PTPRD: variants seen among roughly 807,000 people sequenced by gnomAD.
The protein encoded by PTPRD is receptor-type tyrosine-protein phosphatase delta.
A neutral mutation model predicts 214.5 loss-of-function variants in PTPRD; 34 were observed. That is an observed-to-expected ratio of 0.16 (90% CI 0.12 to 0.21). The LOEUF is 0.21. PTPRD is among the 10% of genes least tolerant of loss of function. The pLI, the probability that PTPRD is intolerant of heterozygous loss-of-function variation, is 1.00. For synonymous variants in PTPRD, 1,128 were observed against 845.7 expected, an observed-to-expected ratio of 1.33 and a Z score of -5.79; for missense variants, 2,545 against 2,398.7, an observed-to-expected ratio of 1.06 and a Z score of -1.27.
chr9:8,436,508 A>G, intron 35 of PTPRD, 84 bp downstream of exon 35: 5 of 1,030,628 alleles, frequency 4.9e-6, no homozygotes, highest in South Asian at 1.4e-5. Context: ...AAAAGCACTG[A>G]TGAAGTTAAT....
intron 11 of PTPRD, among the ~76,000 whole-genome samples, chr9:8,735,233 TC>T (rs1219306234): frequency 6.6e-6 from 1 of 151,406 alleles, no homozygotes; most frequent in African/African-American, 2.4e-5. Context: ...AAACGCTGCT[TC>T]CCAGGTTCAA....
intron 5 of PTPRD, among the ~76,000 whole-genome samples, chr9:9,840,060 CAG>C (rs2057904776): frequency 6.6e-6 from 1 of 151,890 alleles, no homozygotes; most frequent in South Asian, 2.1e-4. Flanking sequence ...TTTTCTGAGA[CAG>C]AGTCTCGCTC....
At chr9:10,049,757 A>G (rs781542697) in intron 3 of PTPRD, among the ~76,000 whole-genome samples, 10 of 152,192 alleles carry the variant, frequency 6.6e-5, no homozygotes, top group Non-Finnish European at 1.2e-4. Context: ...TAGCAGTGCT[A>G]CCTGTAAATA....
chr9:9,576,274 A>G (rs913775990), intron 7 of PTPRD, among the ~76,000 whole-genome samples: 1 of 152,218 alleles, frequency 6.6e-6, no homozygotes, highest in Non-Finnish European at 1.5e-5. Flanking sequence ...TGAATCTGAC[A>G]GTAAAATGAA....
At chr9:9,656,776 T>C (rs375901061) in intron 7 of PTPRD, among the ~76,000 whole-genome samples, 2 of 152,224 alleles carry the variant, frequency 1.3e-5, no homozygotes, top group South Asian at 2.1e-4. Flanking sequence ...TGAGTGATAA[T>C]AATGTGTTGA....
At chr9:8,562,532 G>T (rs2086811196) in intron 14 of PTPRD, among the ~76,000 whole-genome samples, 1 of 151,972 alleles carries the variant, frequency 6.6e-6, no homozygotes, top group Admixed American at 6.6e-5. Flanking sequence ...GAACTCCCAG[G>T]TTCAAGTGAT....
intron 3 of PTPRD, among the ~76,000 whole-genome samples, chr9:10,079,312 T>C (rs930826929): frequency 6.6e-6 from 1 of 152,088 alleles, no homozygotes; most frequent in Admixed American, 6.6e-5. Flanking sequence ...AGATGGCAAA[T>C]TCACTGTTGG....
chr9:8,617,045 T>G (rs1327090680), intron 14 of PTPRD, among the ~76,000 whole-genome samples: 1 of 152,114 alleles, frequency 6.6e-6, no homozygotes. Context: ...CTATAACTGT[T>G]GTCCAAAATA....
At chr9:9,367,616 A>C (rs919029326) in intron 9 of PTPRD, among the ~76,000 whole-genome samples, 1 of 151,690 alleles carries the variant, frequency 6.6e-6, no homozygotes, top group African/African-American at 2.4e-5. Context: ...GGCATTAAAA[A>C]AAACAGTAGA....
intron 3 of PTPRD, among the ~76,000 whole-genome samples, chr9:10,228,221 A>G (rs1430289072): frequency 6.6e-6 from 1 of 152,010 alleles, no homozygotes; most frequent in African/African-American, 2.4e-5. Context: ...TATAGAAATG[A>G]CTGTACAAGT....
At chr9:8,955,189 G>T (rs560843984) in intron 11 of PTPRD, among the ~76,000 whole-genome samples, 1 of 151,878 alleles carries the variant, frequency 6.6e-6, no homozygotes, top group Admixed American at 6.6e-5. Context: ...TAGGCCAGCT[G>T]TTCTTTAGCT....
intron 39 of PTPRD, among the ~76,000 whole-genome samples, 188 bp downstream of exon 39, chr9:8,375,748 C>T (rs956358227): frequency 5.9e-5 from 9 of 152,052 alleles, no homozygotes; most frequent in African/African-American, 2.2e-4. Flanking sequence ...CTACTATCTC[C>T]AGGGGAAATA....
At chr9:9,039,514 G>A (rs1287670932) in intron 10 of PTPRD, among the ~76,000 whole-genome samples, 2 of 152,112 alleles carry the variant, frequency 1.3e-5, no homozygotes, top group Non-Finnish European at 2.9e-5. Context: ...TGTAAATAAG[G>A]TTTTTTGTGG....
At chr9:9,350,066 C>A (rs1422916248) in intron 9 of PTPRD, among the ~76,000 whole-genome samples, 1 of 151,190 alleles carries the variant, frequency 6.6e-6, no homozygotes, top group Non-Finnish European at 1.5e-5. Context: ...CGGAAAGGAC[C>A]CCAGGAGCTA....
chr9:9,753,258 C>T (rs1228006878), intron 6 of PTPRD, among the ~76,000 whole-genome samples: 3 of 151,916 alleles, frequency 2.0e-5, no homozygotes, highest in African/African-American at 4.8e-5. Flanking sequence ...CATTTTGTAG[C>T]TTCATAGCCC....
chr9:9,110,326 G>T (rs1308624784), intron 10 of PTPRD, among the ~76,000 whole-genome samples: 1 of 152,060 alleles, frequency 6.6e-6, no homozygotes, highest in African/African-American at 2.4e-5. Flanking sequence ...TCATCTGGGA[G>T]CATTATAGAT....
chr9:8,542,427 G>A (rs907103761), intron 14 of PTPRD, among the ~76,000 whole-genome samples: 1 of 152,160 alleles, frequency 6.6e-6, no homozygotes, highest in African/African-American at 2.4e-5. Context: ...AGTGGAAAAA[G>A]TTCAGAATAA....
intron 3 of PTPRD, among the ~76,000 whole-genome samples, chr9:10,232,925 T>A (rs1010362553): frequency 3.9e-5 from 6 of 151,900 alleles, no homozygotes; most frequent in African/African-American, 1.5e-4. Context: ...ATTTTAAACA[T>A]TCCATTCTTC....
At chr9:10,067,456 C>A (rs377907) in intron 3 of PTPRD, among the ~76,000 whole-genome samples, 23,648 of 151,780 alleles carry the variant, frequency 0.16, 5,678 homozygotes, top group African/African-American at 0.51. Flanking sequence ...ACATAATTTT[C>A]AGTTTACTCA....
Sources: allele counts gnomAD v4.1 joint callset (sites outside exome capture counted in the v4.1 genomes callset), GRCh38; gene constraint gnomAD v4.1.1; transcripts MANE v1.5; gene names NCBI Gene and HGNC (gene_info 2026-07-23, HGNC 2026-07-21).